PPP1R2: variants seen among roughly 807,000 people sequenced by gnomAD.
PPP1R2 encodes the protein protein phosphatase inhibitor 2.
PPP1R2 carries 16 observed loss-of-function variants against 29.9 expected under a neutral mutation model. The observed-to-expected ratio is 0.53, with a 90% CI of 0.36 to 0.81. The LOEUF (loss-of-function observed/expected upper bound fraction) is 0.81. Among genes scored for constraint, PPP1R2 ranks in the 30% least tolerant of loss-of-function variants. The pLI, the probability that PPP1R2 is intolerant of heterozygous loss-of-function variation, is 0.00. For missense variants in PPP1R2, 197 were observed against 252.7 expected, an observed-to-expected ratio of 0.78 and a Z score of 1.49; for synonymous variants, 76 against 91.5, an observed-to-expected ratio of 0.83 and a Z score of 0.96.
chr3:195,519,211 G>C, intron 4 of PPP1R2, 26 bp from the exon 5 acceptor site: 1 of 1,535,072 alleles, frequency 6.5e-7, no homozygotes, highest in Non-Finnish European at 8.9e-7. Context: ...TGTAAACTTA[G>C]GAAGTTTGAG....
chr3:195,518,399 C>T (rs1718626389), intron 5 of PPP1R2, among the ~76,000 whole-genome samples: 1 of 152,136 alleles, frequency 6.6e-6, no homozygotes, highest in African/African-American at 2.4e-5. Flanking sequence ...TGCCTGTAAT[C>T]CCAGCACTTT....
intron 4 of PPP1R2, among the ~76,000 whole-genome samples, chr3:195,520,572 A>G (rs1413298674): frequency 1.3e-5 from 2 of 152,254 alleles, no homozygotes; most frequent in Admixed American, 6.5e-5. Context: ...CGACTATGCC[A>G]CTGCACTCCA....
In PPP1R2 at chr3:195,539,291, C is replaced by G. The variant is rs568125396; in HGVS notation, c.122+3613G>C. On this transcript the variant is annotated intron_variant, in intron 1 of 5. Coordinates refer to ENST00000618156, the MANE Select transcript of PPP1R2 (RefSeq NM_006241.8). The stretch of plus-strand genomic sequence containing the variant: ...AAGATGACAGTGGTGTTTAAAACAG[C>G]TGAATGCTGTGGTGCAATGTACTGA... Among the ~76,000 whole-genome samples the G allele has an allele frequency of 2.0e-5, 3 of 152,318 alleles. No homozygotes were observed. In the South Asian group the frequency reaches 6.2e-4, roughly 32 times the overall value.
Position 195,529,922 on chromosome 3 carries a change from C to T in PPP1R2, c.123-21G>A, listed in dbSNP as rs766697096. ...TTTTGCTAAAATTAAAAAGAAAAAA[C>T]GTTTTTCCCAATGCAGAAAAAGATA... On this transcript the variant is annotated intron_variant, in intron 1 of 5. Transcript: ENST00000618156. 16 of 1,550,338 alleles carry T rather than the reference C, an allele frequency of 1.0e-5. No homozygotes were observed. In the African/African-American group the frequency reaches 1.7e-4, roughly 16 times the overall value.
Position 195,520,650 on chromosome 3 carries a change from C to T in PPP1R2, c.404-1465G>A, listed in dbSNP as rs143227188. On this transcript the variant is annotated intron_variant, in intron 4 of 5. Coordinates refer to ENST00000618156, the MANE Select transcript of PPP1R2 (RefSeq NM_006241.8). The stretch of plus-strand genomic sequence containing the variant: ...TTTACTTTTTAAAAAGCAGAGACAT[C>T]TCTCAATAAGGGTATTTACAGTACT... Among the ~76,000 whole-genome samples the T allele has an allele frequency of 4.2e-3, 643 of 152,166 alleles. 6 individuals are homozygous for T. Among genetic ancestry groups the T allele is most frequent in the African/African-American group, 0.014 (601 of 41,510 alleles).
intron 1 of PPP1R2, among the ~76,000 whole-genome samples, chr3:195,533,564 C>T (rs1719267711): frequency 6.6e-6 from 1 of 152,166 alleles, no homozygotes; most frequent in Non-Finnish European, 1.5e-5. Flanking sequence ...AAAGTTGTGA[C>T]ATTACAAGAA....
intron 5 of PPP1R2, 30 bp downstream of exon 5, chr3:195,518,988 A>T: frequency 6.2e-7 from 1 of 1,609,046 alleles, no homozygotes; most frequent in Non-Finnish European, 8.5e-7. Context: ...CCATTACAAA[A>T]GTCTCAGTGA....
chr3:195,527,997 A>G (rs1719037068), intron 2 of PPP1R2: 1 of 294,020 alleles, frequency 3.4e-6, no homozygotes, highest in Non-Finnish European at 6.7e-6. Flanking sequence ...CTTCCCCTCA[A>G]TTTATTTTTA....
intron 2 of PPP1R2, among the ~76,000 whole-genome samples, chr3:195,528,402 A>G (rs1016339624): frequency 2.6e-5 from 4 of 152,200 alleles, no homozygotes; most frequent in Admixed American, 2.6e-4. Flanking sequence ...ATTGAGTTTC[A>G]GCATCTGTAC....
chr3:195,526,103 A>ATTTT lies in PPP1R2; in HGVS notation c.231-1211_231-1208dup, dbSNP rs71180929. 4.2e-3 allele frequency among the ~76,000 whole-genome samples: 607 copies of ATTTT among 146,022 alleles called. 5 individuals carry two copies. The highest frequency in any genetic ancestry group is 9.2e-3 in the East Asian group (46 of 4,994). On this transcript the variant is annotated intron_variant, in intron 2 of 5. Transcript: ENST00000618156. ...TAAAAAGCATCTTCACTTAAATAAA[A>ATTTT]TTTTTTTTTTTTTTGAGACAGGGTC...
rs1486779972 is a variant in PPP1R2 at position 195,514,681 on chromosome 3, T to C, written c.*2215A>G. On this transcript the variant is annotated 3_prime_UTR_variant, in exon 6 of 6. Coordinates refer to ENST00000618156, the MANE Select transcript of PPP1R2 (RefSeq NM_006241.8). ...ACTGATTAAAAAGTTGAAAGTAAAA[T>C]CTACCTTGGCTAGAACTGAACATTC... 1.3e-5 allele frequency: 2 copies of C among 152,218 alleles called. No homozygotes were observed. The highest frequency in any genetic ancestry group is 2.9e-5 in the Non-Finnish European group (2 of 68,036). The allele number at this position is 152,218 out of a possible 1,614,324, so 9.4% of individuals were successfully genotyped here.
At chr3:195,529,528 T>A (rs1302829633) in intron 2 of PPP1R2, 1 of 268,816 alleles carries the variant, frequency 3.7e-6, no homozygotes, top group Non-Finnish European at 6.9e-6. Context: ...AACTAATATA[T>A]GCACCATTAG....
chr3:195,518,693 A>G (rs1266640945), intron 5 of PPP1R2, among the ~76,000 whole-genome samples: 2 of 152,156 alleles, frequency 1.3e-5, no homozygotes, highest in Admixed American at 6.5e-5. Context: ...TAAATTTTAG[A>G]TCGTTATGAC....
intron 3 of PPP1R2, among the ~76,000 whole-genome samples, chr3:195,524,119 T>C (rs1379925395): frequency 6.7e-6 from 1 of 150,226 alleles, no homozygotes; most frequent in Non-Finnish European, 1.5e-5. Flanking sequence ...AGAGTAGAAA[T>C]GGGCATAGAC....
chr3:195,524,467 G>A (rs1353841763), intron 3 of PPP1R2, among the ~76,000 whole-genome samples: 1 of 152,166 alleles, frequency 6.6e-6, no homozygotes, highest in Non-Finnish European at 1.5e-5. Flanking sequence ...GGAGGTTGCA[G>A]TGAGTTGAGA....
rs1718533795 is a variant in PPP1R2 at position 195,516,062 on chromosome 3, T to C, written c.*834A>G. The stretch of plus-strand genomic sequence containing the variant: ...AAAGGTAGAAGATTGTGTGCGTATG[T>C]GTGGAAAGGAGTAGGAAAGAAAAGC... On this transcript the variant is annotated 3_prime_UTR_variant, in exon 6 of 6. Transcript: ENST00000618156. The C allele has an allele frequency of 6.6e-6, 1 of 152,204 alleles. No individual in the cohort carries two copies. The highest frequency in any genetic ancestry group is 1.5e-5 in the Non-Finnish European group (1 of 67,968). 9.4% of individuals were successfully genotyped at this position (152,204 alleles called of 1,614,324 possible).
At chr3:195,528,080 T>A (rs1186885919) in intron 2 of PPP1R2, among the ~76,000 whole-genome samples, 1 of 152,086 alleles carries the variant, frequency 6.6e-6, no homozygotes, top group Non-Finnish European at 1.5e-5. Context: ...TTGCTGAGAT[T>A]TTGGTGCACC....
In PPP1R2 at chr3:195,543,322, A is replaced by C. The variant is rs1192693452; in HGVS notation, c.-297T>G. 2 of 235,796 alleles carry C rather than the reference A, an allele frequency of 8.5e-6. No individual in the cohort carries two copies. Among genetic ancestry groups the C allele is most frequent in the African/African-American group, 4.6e-5 (2 of 43,920 alleles). 14.6% of individuals were successfully genotyped at this position (235,796 alleles called of 1,614,324 possible). A position where few individuals can be genotyped will look rare whatever the true frequency, so the allele number is the denominator to read the frequency against. ...CCAGCGCAGGAGCGACGCGACGCCG[A>C]AGCCAAGCGGACCCGCCCTCTCGCG... On this transcript the variant is annotated 5_prime_UTR_variant, in exon 1 of 6. Coordinates refer to ENST00000618156, the MANE Select transcript of PPP1R2 (RefSeq NM_006241.8).
At chr3:195,517,910 CTA>C (rs1301602407) in intron 5 of PPP1R2, among the ~76,000 whole-genome samples, 2 of 152,286 alleles carry the variant, frequency 1.3e-5, no homozygotes, top group African/African-American at 2.4e-5. Flanking sequence ...AATCCTGACA[CTA>C]TGAGACAGCA....
Sources: allele counts gnomAD v4.1 joint callset (sites outside exome capture counted in the v4.1 genomes callset), GRCh38; gene constraint gnomAD v4.1.1; transcripts MANE v1.5; gene names NCBI Gene and HGNC (gene_info 2026-07-23, HGNC 2026-07-21).